RNGTT: variants seen among roughly 807,000 people sequenced by gnomAD.
The protein encoded by RNGTT is RNA guanylyltransferase and 5'-phosphatase, also known as mRNA-capping enzyme.
A neutral mutation model predicts 79.3 loss-of-function variants in RNGTT; 33 were observed. The observed-to-expected ratio is 0.42, with a 90% CI of 0.32 to 0.56. The LOEUF (loss-of-function observed/expected upper bound fraction) is 0.56, where lower values mean the gene tolerates loss of function less well. RNGTT is among the 20% of genes least tolerant of loss of function. The probability of loss-of-function intolerance (pLI) is 0.17; values close to 1 mark genes in which losing one functional copy is unlikely to be tolerated. For synonymous variants in RNGTT, 222 were observed against 235.9 expected, an observed-to-expected ratio of 0.94 and a Z score of 0.54; for missense variants, 497 against 739.1, an observed-to-expected ratio of 0.67 and a Z score of 3.80.
intron 13 of RNGTT, among the ~76,000 whole-genome samples, chr6:88,760,398 T>C (rs1282028049): frequency 6.6e-6 from 1 of 152,180 alleles, no homozygotes; most frequent in African/African-American, 2.4e-5. Context: ...AAGTAAAACA[T>C]AATCAAGAAT....
Position 88,698,258 on chromosome 6 carries a change from T to TG in RNGTT, c.1440-19840_1440-19839insC, listed in dbSNP as rs1475331105. Among the ~76,000 whole-genome samples the TG allele has an allele frequency of 1.4e-3, 135 of 93,474 alleles. 13 individuals carry two copies. In the African/African-American group the frequency reaches 0.016, roughly 11 times the overall value. The allele number at this position is 93,474 out of a possible 152,430, so 61.3% of individuals were successfully genotyped here. ...GAAATATATATATGAAATATATATATAAATATATATGATATATATATTTCA... is the reference window on the plus strand; with the variant it reads ...GAAATATATATATGAAATATATATATGAAATATATATGATATATATATTTCA... On this transcript the variant is annotated intron_variant, in intron 13 of 15. Coordinates refer to ENST00000369485, the MANE Select transcript of RNGTT (RefSeq NM_003800.5).
intron 8 of RNGTT, among the ~76,000 whole-genome samples, chr6:88,880,787 A>C (rs1257258299): frequency 6.6e-6 from 1 of 152,172 alleles, no homozygotes; most frequent in East Asian, 1.9e-4. Flanking sequence ...ATTAATTCTA[A>C]AATTTTTATA....
intron 12 of RNGTT, among the ~76,000 whole-genome samples, chr6:88,792,292 T>A (rs527586958): frequency 5.6e-4 from 85 of 152,318 alleles, no homozygotes; most frequent in African/African-American, 2.0e-3. Flanking sequence ...CTGTCTATAA[T>A]CAACTCTCTT....
At chr6:88,877,453 A>G (rs933047695) in intron 8 of RNGTT, among the ~76,000 whole-genome samples, 4 of 152,162 alleles carry the variant, frequency 2.6e-5, no homozygotes, top group African/African-American at 7.2e-5. Flanking sequence ...TCAAAAATGC[A>G]TTTTCTCAGA....
chr6:88,792,720 T>G (rs1294709924), intron 12 of RNGTT, among the ~76,000 whole-genome samples: 1 of 152,166 alleles, frequency 6.6e-6, no homozygotes, highest in Non-Finnish European at 1.5e-5. Flanking sequence ...ACCACTCTGG[T>G]GATGGTGGCC....
intron 8 of RNGTT, among the ~76,000 whole-genome samples, chr6:88,858,266 G>A (rs527517308): frequency 3.9e-5 from 6 of 151,950 alleles, no homozygotes; most frequent in South Asian, 2.1e-4. Flanking sequence ...TTAAAGGGCC[G>A]ACCTGGAGCC....
rs116443217 is a variant in RNGTT, at chr6:88,840,735, A to C, written c.1269+3622T>G. Among the ~76,000 whole-genome samples, 709 of 152,318 alleles carry C rather than the reference A, an allele frequency of 4.7e-3. 2 individuals are homozygous for C. Among genetic ancestry groups the C allele is most frequent in the African/African-American group, 0.016 (670 of 41,582 alleles). ...TAAAAAAGAAATATCCTATGATTTT[A>C]AGGAATTACATAAGCTAAGTATAAA... On this transcript the variant is annotated intron_variant, in intron 11 of 15. Transcript: ENST00000369485.
At chr6:88,630,436 T>C (rs1772811966) in intron 14 of RNGTT, among the ~76,000 whole-genome samples, 1 of 152,206 alleles carries the variant, frequency 6.6e-6, no homozygotes. Flanking sequence ...GTGCTAAATT[T>C]GCATATAGTC....
At chr6:88,905,640 C>T (rs1008979875) in intron 5 of RNGTT, among the ~76,000 whole-genome samples, 1 of 152,140 alleles carries the variant, frequency 6.6e-6, no homozygotes, top group African/African-American at 2.4e-5. Context: ...GTCGTAATCT[C>T]TCAGGATCTA....
intron 13 of RNGTT, among the ~76,000 whole-genome samples, chr6:88,749,240 G>T (rs1301512808): frequency 6.6e-6 from 1 of 152,050 alleles, no homozygotes; most frequent in Non-Finnish European, 1.5e-5. Context: ...AGCAAAAGAA[G>T]TTGTAAATAT....
At chr6:88,628,646 C>G (rs1772727084) in intron 14 of RNGTT, among the ~76,000 whole-genome samples, 1 of 152,116 alleles carries the variant, frequency 6.6e-6, no homozygotes, top group Non-Finnish European at 1.5e-5. Flanking sequence ...CATTTATTAA[C>G]TACCTGTGAT....
intron 6 of RNGTT, among the ~76,000 whole-genome samples, chr6:88,893,069 G>A (rs1334468934): frequency 6.6e-6 from 1 of 151,884 alleles, no homozygotes; most frequent in Non-Finnish European, 1.5e-5. Context: ...CTCTGTACTA[G>A]CCAATGGCAT....
At chr6:88,813,204 G>A (rs1240568126) in intron 11 of RNGTT, among the ~76,000 whole-genome samples, 1 of 152,162 alleles carries the variant, frequency 6.6e-6, no homozygotes, top group Admixed American at 6.5e-5. Flanking sequence ...TGGCCTACTG[G>A]CGTTTGCACA....
At chr6:88,616,606 G>A (rs1157393973) in intron 14 of RNGTT, among the ~76,000 whole-genome samples, 1 of 151,910 alleles carries the variant, frequency 6.6e-6, no homozygotes, top group Non-Finnish European at 1.5e-5. Flanking sequence ...ATGGTGTCAG[G>A]TGCTATCTCA....
At chr6:88,640,955 A>G (rs2127773090) in intron 14 of RNGTT, among the ~76,000 whole-genome samples, 1 of 152,276 alleles carries the variant, frequency 6.6e-6, no homozygotes, top group Middle Eastern at 3.4e-3. Flanking sequence ...TTCATACCTA[A>G]TAATGTATTT....
chr6:88,699,399 A>C (rs938936751), intron 13 of RNGTT, among the ~76,000 whole-genome samples: 1 of 152,198 alleles, frequency 6.6e-6, no homozygotes, highest in African/African-American at 2.4e-5. Flanking sequence ...GCCCATCAAT[A>C]ATAAATTTTT....
At chr6:88,855,211 A>G (rs1203594940) in intron 8 of RNGTT, among the ~76,000 whole-genome samples, 1 of 152,242 alleles carries the variant, frequency 6.6e-6, no homozygotes, top group Non-Finnish European at 1.5e-5. Context: ...ATGCAGCTGA[A>G]TCAAGTTAAG....
intron 13 of RNGTT, among the ~76,000 whole-genome samples, chr6:88,726,009 C>A (rs1776888644): frequency 6.7e-6 from 1 of 148,950 alleles, no homozygotes; most frequent in South Asian, 2.1e-4. Context: ...AAGAGGAAAT[C>A]AGAGAGAGAG....
intron 8 of RNGTT, among the ~76,000 whole-genome samples, chr6:88,886,437 A>G (rs1782865179): frequency 6.6e-6 from 1 of 152,260 alleles, no homozygotes; most frequent in African/African-American, 2.4e-5. Flanking sequence ...TAACGTCAAT[A>G]ATCAATACAT....
Sources: gnomAD v4.1 joint callset for allele counts (sites outside exome capture counted in the v4.1 genomes callset) on GRCh38, gnomAD v4.1.1 for gene constraint, MANE v1.5 for transcripts, NCBI Gene and HGNC (gene_info 2026-07-23, HGNC 2026-07-21) for gene names.